Variants in SLC25A21 observed in about 807,000 individuals in gnomAD.
The protein encoded by SLC25A21 is mitochondrial 2-oxodicarboxylate carrier.
In SLC25A21, 47 loss-of-function variants were observed where a neutral mutation model predicts 43.8. That is an observed-to-expected ratio of 1.07 (90% confidence interval 0.85 to 1.37). SLC25A21 has a LOEUF of 1.37. Among genes scored for constraint, SLC25A21 ranks in the 40% most tolerant of loss-of-function variants. The pLI is 0.00. For synonymous variants in SLC25A21, 131 were observed against 121.3 expected (o/e 1.08, Z -0.52); for missense variants, 352 against 350.2 (o/e 1.00, Z -0.04).
intron 1 of SLC25A21, among the ~76,000 whole-genome samples, chr14:37,100,799 C>T (rs1345731581): frequency 1.3e-5 from 2 of 152,192 alleles, no homozygotes; most frequent in Non-Finnish European, 2.9e-5. Context: ...ATTTACTTAA[C>T]CTCAGTTTCC....
intron 1 of SLC25A21, among the ~76,000 whole-genome samples, chr14:37,125,343 AG>A (rs968761181): frequency 1.4e-4 from 22 of 152,322 alleles, no homozygotes; most frequent in African/African-American, 4.6e-4. Flanking sequence ...ATATTCTCCA[AG>A]GGTCCAGAGT....
At chr14:37,063,392 C>T (rs1198143921) in intron 1 of SLC25A21, among the ~76,000 whole-genome samples, 3 of 151,884 alleles carry the variant, frequency 2.0e-5, no homozygotes, top group South Asian at 2.1e-4. Flanking sequence ...CTCAGCTATT[C>T]GGGAGGCTGA....
At chr14:36,851,252 GAA>G (rs1336557889) in intron 2 of SLC25A21, among the ~76,000 whole-genome samples, 1 of 152,160 alleles carries the variant, frequency 6.6e-6, no homozygotes, top group Non-Finnish European at 1.5e-5. Context: ...AGTGGCTGAA[GAA>G]AAAGAGCCAA....
rs1483489291 is a variant in SLC25A21, at chr14:36,678,663, A to G, written c.*1995T>C. 1.6e-6 allele frequency: 2 copies of G among 1,253,430 alleles called. No homozygotes were observed. Among genetic ancestry groups the G allele is most frequent in the East Asian group, 6.0e-5 (2 of 33,594 alleles). The allele number at this position is 1,253,430 out of a possible 1,614,324, so 77.6% of individuals were successfully genotyped here. On this transcript the variant is annotated 3_prime_UTR_variant, in exon 10 of 10. Transcript: ENST00000331299. ...TGGCTGTTAGGGGGCTTTAAAAAATATTACTTGCTTGTGTGGAAATGCAAA... is the reference window on the plus strand; with the variant it reads ...TGGCTGTTAGGGGGCTTTAAAAAATGTTACTTGCTTGTGTGGAAATGCAAA...
In SLC25A21 at chr14:36,702,475, C is replaced by CAAAA. The variant is rs1213350246; in HGVS notation, c.603+8839_603+8842dup. Among the ~76,000 whole-genome samples, 612 of 61,706 alleles carry CAAAA rather than the reference C, an allele frequency of 9.9e-3. 2 individuals carry two copies. The highest frequency in any genetic ancestry group is 0.013 in the African/African-American group (205 of 16,180). The allele number at this position is 61,706 out of a possible 152,430, so 40.5% of individuals were successfully genotyped here. On this transcript the variant is annotated intron_variant, in intron 7 of 9. Transcript: ENST00000331299. ...GCAACACAGGGAGATCCTGTCTCCA[C>CAAAA]AAAAAAAAAAAAAAAAAAAAAGAAA...
At chr14:37,042,945 A>T (rs980723350) in intron 1 of SLC25A21, among the ~76,000 whole-genome samples, 1 of 152,166 alleles carries the variant, frequency 6.6e-6, no homozygotes, top group African/African-American at 2.4e-5. Context: ...GAGGCCATGG[A>T]AATCCAAATT....
chr14:36,723,946 G>C (rs1157743603), intron 6 of SLC25A21, among the ~76,000 whole-genome samples: 1 of 152,052 alleles, frequency 6.6e-6, no homozygotes, highest in Non-Finnish European at 1.5e-5. Flanking sequence ...GGGAACACCG[G>C]ACAGGGATCT....
intron 7 of SLC25A21, among the ~76,000 whole-genome samples, chr14:36,696,008 A>G (rs1883006020): frequency 1.3e-5 from 2 of 152,156 alleles, no homozygotes; most frequent in South Asian, 4.1e-4. Context: ...GAATGCTTCC[A>G]GTTTTTGCCC....
At chr14:36,835,805 C>G (rs1195973206) in intron 2 of SLC25A21, among the ~76,000 whole-genome samples, 1 of 152,166 alleles carries the variant, frequency 6.6e-6, no homozygotes, top group African/African-American at 2.4e-5. Flanking sequence ...CTGGCTTTTT[C>G]TCCATCTTCC....
At chr14:36,702,353 T>C (rs1246083068) in intron 7 of SLC25A21, among the ~76,000 whole-genome samples, 1 of 151,334 alleles carries the variant, frequency 6.6e-6, no homozygotes, top group African/African-American at 2.4e-5. Context: ...AAAAAGACCT[T>C]TCTAGCCAGG....
intron 1 of SLC25A21, among the ~76,000 whole-genome samples, chr14:37,070,503 T>G (rs536717845): frequency 9.3e-4 from 141 of 152,310 alleles, no homozygotes; most frequent in African/African-American, 3.2e-3. Flanking sequence ...CACATCCCCT[T>G]TCTCAGTCTT....
intron 7 of SLC25A21, among the ~76,000 whole-genome samples, chr14:36,701,216 T>A (rs1225445019): frequency 6.6e-6 from 1 of 152,204 alleles, no homozygotes; most frequent in African/African-American, 2.4e-5. Context: ...GAAGCTTAAT[T>A]AAAAAATACA....
At chr14:37,141,288 T>C (rs1389537247) in intron 1 of SLC25A21, among the ~76,000 whole-genome samples, 1 of 152,126 alleles carries the variant, frequency 6.6e-6, no homozygotes, top group African/African-American at 2.4e-5. Flanking sequence ...AAAAGCTGAA[T>C]ACCATAATGA....
At chr14:36,764,155 A>AGAAG in intron 3 of SLC25A21, among the ~76,000 whole-genome samples, 1 of 63,742 alleles carries the variant, frequency 1.6e-5, no homozygotes, top group Admixed American at 2.0e-4. Context: ...AAAGAAAGAA[A>AGAAG]GAAAGAAAGA....
intron 1 of SLC25A21, among the ~76,000 whole-genome samples, chr14:36,901,459 T>G (rs561820230): frequency 1.3e-5 from 2 of 152,204 alleles, no homozygotes; most frequent in Non-Finnish European, 2.9e-5. Context: ...GAGGATAAGA[T>G]GTACTTTTAA....
chr14:36,710,591 G>C (rs149803401), intron 7 of SLC25A21, among the ~76,000 whole-genome samples: 2 of 151,924 alleles, frequency 1.3e-5, no homozygotes, highest in African/African-American at 4.8e-5. Flanking sequence ...CATCATGCCT[G>C]GGTAATTTTT....
chr14:36,763,891 C>T (rs528020943), intron 3 of SLC25A21, among the ~76,000 whole-genome samples: 2 of 150,578 alleles, frequency 1.3e-5, no homozygotes, highest in African/African-American at 4.9e-5. Flanking sequence ...TAGCCAGGTG[C>T]AATGGTGGGC....
At position 37,151,503 on chromosome 14, in the gene SLC25A21, T is replaced by C. The variant is rs866549428; in HGVS notation, c.70+20778A>G. ...ACTTTTGTACAAGGGCAGACCCTGT[T>C]TGTTCATTAACACTCAAGTTCAAGA... On this transcript the variant is annotated intron_variant, in intron 1 of 9. Transcript: ENST00000331299. Among the ~76,000 whole-genome samples, 6 of 152,338 alleles carry C rather than the reference T, an allele frequency of 3.9e-5. No individual in the cohort carries two copies. In the South Asian group the frequency reaches 1.2e-3, roughly 32 times the overall value.
chr14:36,816,674 A>C (rs1340802616), intron 2 of SLC25A21, among the ~76,000 whole-genome samples: 1 of 151,580 alleles, frequency 6.6e-6, no homozygotes, highest in Non-Finnish European at 1.5e-5. Context: ...TAATTTTTAA[A>C]ATTTTTTTCT....
Sources: gnomAD v4.1 joint callset for allele counts (sites outside exome capture counted in the v4.1 genomes callset) on GRCh38, gnomAD v4.1.1 for gene constraint, MANE v1.5 for transcripts, NCBI Gene and HGNC (gene_info 2026-07-23, HGNC 2026-07-21) for gene names.